MACROD2: variants seen among roughly 807,000 people sequenced by gnomAD.
The protein encoded by MACROD2 is mono-ADP ribosylhydrolase 2, also known as ADP-ribose glycohydrolase MACROD2.
Under a neutral mutation model 70.4 loss-of-function variants are expected in MACROD2, and 36 were observed. The observed-to-expected ratio is 0.51, with a 90% CI of 0.39 to 0.68. The LOEUF is 0.68. Ranked by LOEUF, MACROD2 falls within the 30% of genes least tolerant of loss-of-function variation. The pLI is 0.00. For missense variants in MACROD2, 496 were observed against 538.4 expected, an observed-to-expected ratio of 0.92 and a Z score of 0.78; for synonymous variants, 172 against 178.8, an observed-to-expected ratio of 0.96 and a Z score of 0.30.
At position 15,196,531 on chromosome 20, in the gene MACROD2, A is replaced by C. The variant is rs114365788; in HGVS notation, c.419-33409A>C. On this transcript the variant is annotated intron_variant, in intron 5 of 17. Coordinates refer to ENST00000684519, the MANE Select transcript of MACROD2 (RefSeq NM_001351661.2). ...TCCTTGGGATTATACCTTCCATTGAAAAGAAATAATTTACATCTCTACTGG... is the reference window on the plus strand; with the variant it reads ...TCCTTGGGATTATACCTTCCATTGACAAGAAATAATTTACATCTCTACTGG... 5.2e-3 allele frequency among the ~76,000 whole-genome samples: 791 copies of C among 152,286 alleles called. 14 individuals carry two copies. The highest frequency in any genetic ancestry group is 0.018 in the African/African-American group (751 of 41,568).
intron 5 of MACROD2, among the ~76,000 whole-genome samples, chr20:15,003,854 T>G (rs2122906680): frequency 6.6e-6 from 1 of 152,278 alleles, no homozygotes; most frequent in South Asian, 2.1e-4. Flanking sequence ...CTGTAATAAC[T>G]TCACTATTGT....
chr20:15,828,188 A>G (rs968791715), intron 8 of MACROD2, among the ~76,000 whole-genome samples: 8 of 152,196 alleles, frequency 5.3e-5, no homozygotes, highest in African/African-American at 1.9e-4. Context: ...GCTTGATTCA[A>G]TCATTCCACA....
At chr20:14,265,223 C>T (rs1335732187) in intron 3 of MACROD2, among the ~76,000 whole-genome samples, 1 of 152,136 alleles carries the variant, frequency 6.6e-6, no homozygotes, top group African/African-American at 2.4e-5. Context: ...TCACAGTGAA[C>T]AGATGATCAG....
intron 2 of MACROD2, among the ~76,000 whole-genome samples, chr20:14,018,557 AT>A (rs1392527497): frequency 6.6e-6 from 1 of 151,510 alleles, no homozygotes; most frequent in Non-Finnish European, 1.5e-5. Flanking sequence ...TCTGTTATTG[AT>A]TTTTATCTCT....
At chr20:15,858,183 C>A (rs1245919795) in intron 8 of MACROD2, among the ~76,000 whole-genome samples, 1 of 151,972 alleles carries the variant, frequency 6.6e-6, no homozygotes, top group East Asian at 1.9e-4. Flanking sequence ...ATAGGCTAGG[C>A]CCAACAAATT....
At chr20:14,922,228 A>G (rs921753004) in intron 5 of MACROD2, among the ~76,000 whole-genome samples, 4 of 152,140 alleles carry the variant, frequency 2.6e-5, no homozygotes, top group Non-Finnish European at 5.9e-5. Flanking sequence ...TACATAGTCT[A>G]GGTCTATTTG....
intron 3 of MACROD2, among the ~76,000 whole-genome samples, chr20:14,239,186 A>G (rs936515833): frequency 2.0e-5 from 3 of 152,220 alleles, no homozygotes; most frequent in Non-Finnish European, 2.9e-5. Flanking sequence ...AGGTCTCTAC[A>G]GTGAGAATTA....
At chr20:14,664,053 C>T (rs1400643620) in intron 4 of MACROD2, among the ~76,000 whole-genome samples, 1 of 152,034 alleles carries the variant, frequency 6.6e-6, no homozygotes, top group Admixed American at 6.6e-5. Context: ...ACAGTATTGT[C>T]TCTTTTTTTC....
intron 8 of MACROD2, among the ~76,000 whole-genome samples, chr20:15,721,484 C>T (rs896516350): frequency 6.6e-6 from 1 of 151,892 alleles, no homozygotes. Context: ...TTTTTTAGTA[C>T]AAAAAATATA....
At chr20:14,632,465 T>C (rs1463237213) in intron 4 of MACROD2, among the ~76,000 whole-genome samples, 1 of 152,168 alleles carries the variant, frequency 6.6e-6, no homozygotes, top group Non-Finnish European at 1.5e-5. Flanking sequence ...ACATAATATT[T>C]AGGAAGTATG....
intron 5 of MACROD2, among the ~76,000 whole-genome samples, chr20:14,853,403 A>C (rs2073220879): frequency 6.6e-6 from 1 of 151,942 alleles, no homozygotes; most frequent in African/African-American, 2.4e-5. Flanking sequence ...GTTGACTGGA[A>C]ATGCTTTCAT....
intron 5 of MACROD2, chr20:14,894,391 C>T (rs2149828): frequency 0.14 from 21,883 of 151,898 alleles, 1,713 homozygotes; most frequent in Middle Eastern, 0.25. Flanking sequence ...CCACCACGTC[C>T]GGCTAATGTT....
chr20:14,526,113 G>A (rs2085228133), intron 4 of MACROD2, among the ~76,000 whole-genome samples: 1 of 152,152 alleles, frequency 6.6e-6, no homozygotes, highest in Admixed American at 6.5e-5. Flanking sequence ...AATACAAGGA[G>A]AGCGCAGTGC....
At chr20:15,575,023 A>G (rs1201612163) in intron 8 of MACROD2, among the ~76,000 whole-genome samples, 1 of 152,170 alleles carries the variant, frequency 6.6e-6, no homozygotes. Flanking sequence ...TGCAGCCTCC[A>G]TAGATATAAG....
intron 3 of MACROD2, among the ~76,000 whole-genome samples, chr20:14,155,848 T>G (rs113380151): frequency 1.6e-4 from 25 of 152,182 alleles, no homozygotes; most frequent in African/African-American, 6.0e-4. Flanking sequence ...ATTATAAATA[T>G]CAGTTTTTAA....
intron 3 of MACROD2, among the ~76,000 whole-genome samples, chr20:14,351,203 T>A (rs1175659333): frequency 6.6e-6 from 1 of 152,194 alleles, no homozygotes; most frequent in African/African-American, 2.4e-5. Context: ...ACTACTTTTC[T>A]TTTTGTTCAG....
intron 5 of MACROD2, among the ~76,000 whole-genome samples, chr20:14,951,063 C>A (rs1600863640): frequency 6.6e-6 from 1 of 152,242 alleles, no homozygotes. Context: ...CATCAGATTT[C>A]TCTCTTGCCT....
At chr20:14,554,502 A>G (rs1978892251) in intron 4 of MACROD2, 1 of 152,114 alleles carries the variant, frequency 6.6e-6, no homozygotes, top group Admixed American at 6.6e-5. Context: ...ATAAACTGGA[A>G]TCATTGTTTT....
At chr20:15,199,211 C>A (rs561511234) in intron 5 of MACROD2, among the ~76,000 whole-genome samples, 23 of 151,992 alleles carry the variant, frequency 1.5e-4, no homozygotes, top group Admixed American at 2.6e-4. Flanking sequence ...AAAAAGTTAG[C>A]CAGGCATGGT....
Sources: allele counts gnomAD v4.1 joint callset (sites outside exome capture counted in the v4.1 genomes callset), GRCh38; gene constraint gnomAD v4.1.1; transcripts MANE v1.5; gene names NCBI Gene and HGNC (gene_info 2026-07-23, HGNC 2026-07-21).